The following RAP1B variants were observed in gnomAD, a reference collection of about 807,000 sequenced individuals.
RAP1B encodes ras-related protein Rap-1b.
In RAP1B, 1 loss-of-function variant was observed where a neutral mutation model predicts 27.5. The observed-to-expected ratio is 0.04, with a 90% CI of 0.01 to 0.17. The LOEUF is 0.17. Ranked by LOEUF, RAP1B falls within the 10% of genes least tolerant of loss-of-function variation. The probability of loss-of-function intolerance (pLI) is 1.00; values close to 1 mark genes in which losing one functional copy is unlikely to be tolerated. For missense variants in RAP1B, 84 were observed against 214.8 expected, an observed-to-expected ratio of 0.39 and a Z score of 3.81; for synonymous variants, 75 against 73.1, an observed-to-expected ratio of 1.03 and a Z score of -0.13.
intron 1 of RAP1B, chr12:68,642,660 C>G (rs762638156): frequency 8.8e-7 from 1 of 1,136,072 alleles, no homozygotes; most frequent in Non-Finnish European, 1.3e-6. Context: ...TTCTCATATT[C>G]TACAATCCTG....
intron 1 of RAP1B, among the ~76,000 whole-genome samples, chr12:68,636,367 T>G (rs1405018802): frequency 1.3e-5 from 2 of 152,200 alleles, no homozygotes; most frequent in Non-Finnish European, 2.9e-5. Flanking sequence ...ACACTAGAGT[T>G]TCTGCTGCAG....
rs1874671599 is a variant in RAP1B at position 68,662,780 on chromosome 12, TCAAA to T, written c.*3536_*3539del. 1 of 152,206 alleles carries T rather than the reference TCAAA, an allele frequency of 6.6e-6. No individual in the cohort carries two copies. The highest frequency in any genetic ancestry group is 6.5e-5 in the Admixed American group (1 of 15,280). The allele number at this position is 152,206 out of a possible 1,614,324, so 9.4% of individuals were successfully genotyped here. A position where few individuals can be genotyped will look rare whatever the true frequency, so the allele number is the denominator to read the frequency against. On this transcript the variant is annotated 3_prime_UTR_variant, in exon 8 of 8. Transcript: ENST00000250559. ...GATTTGTAAGACTAAAATTTTTTTT[TCAAA>T]CAAAACAAATCTGACAGCCTGGGCA...
At position 68,657,032 on chromosome 12, in the gene RAP1B, A is replaced by T. The variant is rs975847571; in HGVS notation, c.469-69A>T. The T allele has an allele frequency of 3.8e-6, 5 of 1,312,468 alleles. No individual in the cohort carries two copies. The Admixed American group carries it at 5.9e-5, about 15-fold the overall frequency. The allele number at this position is 1,312,468 out of a possible 1,614,324, so 81.3% of individuals were successfully genotyped here. On this transcript the variant is annotated intron_variant, in intron 6 of 7. Transcript: ENST00000250559. ...TATCCATGGAAATTTCTGTTTTTTC[A>T]ATTTACTTTTTTCATTGGGGGGGAT...
chr12:68,645,225 A>G (rs1873319839), intron 1 of RAP1B, among the ~76,000 whole-genome samples: 1 of 152,184 alleles, frequency 6.6e-6, no homozygotes, highest in South Asian at 2.1e-4. Flanking sequence ...AGCTGTTACT[A>G]TCTTAATTTT....
intron 4 of RAP1B, among the ~76,000 whole-genome samples, chr12:68,653,469 G>C (rs1873963634): frequency 6.6e-6 from 1 of 152,070 alleles, no homozygotes. Context: ...TACAGCATTT[G>C]AGTCATAGCT....
intron 1 of RAP1B, among the ~76,000 whole-genome samples, chr12:68,630,883 T>G (rs1004511837): frequency 7.9e-5 from 12 of 152,032 alleles, no homozygotes; most frequent in Non-Finnish European, 1.5e-5. Flanking sequence ...GGGTTTCGCC[T>G]TGTTGCCCAA....
At chr12:68,650,697 T>C (rs1416838802) in intron 3 of RAP1B, 1 of 280,534 alleles carries the variant, frequency 3.6e-6, no homozygotes, top group Non-Finnish European at 6.5e-6. Flanking sequence ...ACATAAACTT[T>C]AAAGCAGACC....
rs1874931485 is a variant in RAP1B, at chr12:68,668,253, G to A, written c.*9004G>A. ...ACAGAATGCCAACCAGGTTAGCCCT[G>A]GCAAGTTAAGACATTTTACAGTGCC... On this transcript the variant is annotated 3_prime_UTR_variant, in exon 8 of 8. Coordinates refer to ENST00000250559, the MANE Select transcript of RAP1B (RefSeq NM_001010942.3). 6.6e-6 allele frequency: 1 copy of A among 152,184 alleles called. No individual in the cohort carries two copies. 9.4% of individuals were successfully genotyped at this position (152,184 alleles called of 1,614,324 possible).
intron 1 of RAP1B, among the ~76,000 whole-genome samples, chr12:68,612,383 G>T (rs1328337993): frequency 6.6e-6 from 1 of 152,150 alleles, no homozygotes. Flanking sequence ...GCTGACTCTT[G>T]AAATAGTATT....
rs36224976 is a variant in RAP1B, at chr12:68,618,086, CTTTTTTT to C, written c.-27+7062_-27+7068del. 2.0e-4 allele frequency among the ~76,000 whole-genome samples: 12 copies of C among 60,790 alleles called. 1 individual carries two copies. In the South Asian group the frequency reaches 3.2e-3, roughly 16 times the overall value. 39.9% of individuals were successfully genotyped at this position (60,790 alleles called of 152,430 possible). A position where few individuals can be genotyped will look rare whatever the true frequency, so the allele number is the denominator to read the frequency against. On this transcript the variant is annotated intron_variant, in intron 1 of 7. Coordinates refer to ENST00000250559, the MANE Select transcript of RAP1B (RefSeq NM_001010942.3). ...CTGTATTAGTTCTTGTTCTATAAAG[CTTTTTTT>C]TTTTTTTTTTTTTTTTTTGAGGTGG...
At chr12:68,630,062 T>C (rs1872123002) in intron 1 of RAP1B, among the ~76,000 whole-genome samples, 1 of 152,226 alleles carries the variant, frequency 6.6e-6, no homozygotes, top group African/African-American at 2.4e-5. Context: ...TTCTTTCCCT[T>C]TGAGTCCTAG....
chr12:68,646,766 C>T (rs1269617484), intron 1 of RAP1B, among the ~76,000 whole-genome samples: 1 of 152,228 alleles, frequency 6.6e-6, no homozygotes, highest in Non-Finnish European at 1.5e-5. Context: ...TGTTAGTGAA[C>T]ATGCAACATC....
At chr12:68,642,741 A>G (rs1873108912) in intron 1 of RAP1B, 1 of 1,074,644 alleles carries the variant, frequency 9.3e-7, no homozygotes. Flanking sequence ...TGCGCAGTAT[A>G]TTTATCCTCT....
At chr12:68,629,910 A>AT (rs1287992095) in intron 1 of RAP1B, among the ~76,000 whole-genome samples, 3 of 152,188 alleles carry the variant, frequency 2.0e-5, no homozygotes, top group African/African-American at 7.2e-5. Flanking sequence ...TAATTAATTC[A>AT]TTTTTGTAAA....
chr12:68,657,270 C>A, intron 7 of RAP1B, 53 bp downstream of exon 7: 2 of 1,148,876 alleles, frequency 1.7e-6, no homozygotes, highest in Non-Finnish European at 2.6e-6. Flanking sequence ...TTATTAAGGG[C>A]ACTCTGTCAT....
At chr12:68,636,053 T>G (rs553537484) in intron 1 of RAP1B, among the ~76,000 whole-genome samples, 1 of 151,608 alleles carries the variant, frequency 6.6e-6, no homozygotes, top group Non-Finnish European at 1.5e-5. Context: ...TATTTTTTTT[T>G]TTTGTATTTT....
rs1021041531 is a variant in RAP1B, at chr12:68,667,729, C to G, written c.*8480C>G. Reference sequence around the variant, plus strand: ...TGTTGTGGAAAAAGTTCTCACTTCACTTACTCATTCCTTTGCATTTTCCAA... The same window carrying G: ...TGTTGTGGAAAAAGTTCTCACTTCAGTTACTCATTCCTTTGCATTTTCCAA... On this transcript the variant is annotated 3_prime_UTR_variant, in exon 8 of 8. Coordinates refer to ENST00000250559, the MANE Select transcript of RAP1B (RefSeq NM_001010942.3). The G allele has an allele frequency of 5.9e-5, 9 of 152,224 alleles. No individual in the cohort carries two copies. The highest frequency in any genetic ancestry group is 1.9e-4 in the African/African-American group (8 of 41,448). 9.4% of individuals were successfully genotyped at this position (152,224 alleles called of 1,614,324 possible).
chr12:68,648,988 G>A lies in RAP1B; in HGVS notation c.57+207G>A, dbSNP rs139404865. The A allele has an allele frequency of 2.2e-3, 1,101 of 497,388 alleles. 13 individuals carry two copies. The highest frequency in any genetic ancestry group is 0.012 in the South Asian group (330 of 27,560). The allele number at this position is 497,388 out of a possible 1,614,324, so 30.8% of individuals were successfully genotyped here. On this transcript the variant is annotated intron_variant, in intron 2 of 7. Transcript: ENST00000250559. ...TGGAACATTGACTCCAGAATGACAC[G>A]AGTTATGCTGGAATACAATTTGAGC...
chr12:68,627,379 G>C (rs987656119), intron 1 of RAP1B: 10 of 640,428 alleles, frequency 1.6e-5, no homozygotes, highest in African/African-American at 1.4e-4. Context: ...GCTGCAGCAG[G>C]GTGTTTTTTA....
Sources: gnomAD v4.1 joint callset for allele counts (sites outside exome capture counted in the v4.1 genomes callset) on GRCh38, gnomAD v4.1.1 for gene constraint, MANE v1.5 for transcripts, NCBI Gene and HGNC (gene_info 2026-07-23, HGNC 2026-07-21) for gene names.